The following CHMP4C variants were observed in gnomAD, a reference collection of about 807,000 sequenced individuals.
The protein encoded by CHMP4C is charged multivesicular body protein 4C.
A neutral mutation model predicts 29.0 loss-of-function variants in CHMP4C; 28 were observed. That is an observed-to-expected ratio of 0.97 (90% CI 0.72 to 1.32). The LOEUF is 1.32. CHMP4C is among the 40% of genes most tolerant of loss of function. The probability of loss-of-function intolerance (pLI) is 0.00; values close to 1 mark genes in which losing one functional copy is unlikely to be tolerated. For synonymous variants in CHMP4C, 106 were observed against 102.4 expected (o/e 1.04, Z -0.21); for missense variants, 291 against 281.0 (o/e 1.04, Z -0.25).
At chr8:81,744,810 C>T (rs1808802431) in intron 1 of CHMP4C, among the ~76,000 whole-genome samples, 2 of 152,240 alleles carry the variant, frequency 1.3e-5, no homozygotes, top group South Asian at 4.1e-4. Context: ...ATTTCTTTGT[C>T]CCTCCAGTGC....
In CHMP4C at chr8:81,739,418, TG is replaced by T. The variant is rs66536613; in HGVS notation, c.190+6611del. Among the ~76,000 whole-genome samples, 89 of 93,578 alleles carry T rather than the reference TG, an allele frequency of 9.5e-4. 1 individual carries two copies. The highest frequency in any genetic ancestry group is 3.5e-3 in the African/African-American group (86 of 24,502). 61.4% of individuals were successfully genotyped at this position (93,578 alleles called of 152,430 possible). ...CGGTATTCTAAGGCCTGGGGGATTG[TG>T]GGGGGGGGTGGAAAAAAAAAAAGTC... On this transcript the variant is annotated intron_variant, in intron 1 of 4. Transcript: ENST00000297265.
chr8:81,732,560 C>T lies in CHMP4C; in HGVS notation c.-67C>T. The stretch of plus-strand genomic sequence containing the variant: ...AGAGGACTGCCTTGCTCACCTGTCC[C>T]CTCGGCGCGGCCCCGGGGAGCTCCC... On this transcript the variant is annotated 5_prime_UTR_variant, in exon 1 of 5. Coordinates refer to ENST00000297265, the MANE Select transcript of CHMP4C (RefSeq NM_152284.4). The T allele has an allele frequency of 4.7e-6, 6 of 1,270,978 alleles. No individual in the cohort carries two copies. The highest frequency in any genetic ancestry group is 6.4e-6 in the Non-Finnish European group (6 of 930,918). 78.7% of individuals were successfully genotyped at this position (1,270,978 alleles called of 1,614,324 possible). A position where few individuals can be genotyped will look rare whatever the true frequency, so the allele number is the denominator to read the frequency against.
At chr8:81,739,419 G>GGA (rs1554592445) in intron 1 of CHMP4C, among the ~76,000 whole-genome samples, 1 of 15,494 alleles carries the variant, frequency 6.5e-5, no homozygotes, top group Non-Finnish European at 1.8e-4. Flanking sequence ...GGGGGATTGT[G>GGA]GGGGGGGGTG....
intron 1 of CHMP4C, among the ~76,000 whole-genome samples, chr8:81,738,182 A>G (rs981680692): frequency 5.9e-5 from 9 of 152,156 alleles, no homozygotes; most frequent in African/African-American, 2.2e-4. Flanking sequence ...CAGTAACTCC[A>G]AATATGTAAA....
intron 1 of CHMP4C, among the ~76,000 whole-genome samples, chr8:81,734,429 C>T (rs1052579290): frequency 6.6e-6 from 1 of 152,214 alleles, no homozygotes. Context: ...CGCCCAGGTT[C>T]AAGCGATTCT....
chr8:81,737,242 A>G (rs1345508247), intron 1 of CHMP4C, among the ~76,000 whole-genome samples: 1 of 152,116 alleles, frequency 6.6e-6, no homozygotes, highest in Non-Finnish European at 1.5e-5. Flanking sequence ...GCCCACCCCC[A>G]TTTATTCTGA....
At chr8:81,744,042 T>C (rs796109154) in intron 1 of CHMP4C, among the ~76,000 whole-genome samples, 4 of 152,336 alleles carry the variant, frequency 2.6e-5, no homozygotes, top group African/African-American at 9.6e-5. Flanking sequence ...TGCAATCTCA[T>C]TCCTTTTTAC....
chr8:81,754,101 T>A (rs979627801), intron 2 of CHMP4C, among the ~76,000 whole-genome samples: 13 of 152,108 alleles, frequency 8.5e-5, no homozygotes, highest in African/African-American at 3.1e-4. Context: ...GTGAAAAAGG[T>A]GGTGGCTGGG....
At chr8:81,752,189 AT>A (rs1444806218) in intron 1 of CHMP4C, among the ~76,000 whole-genome samples, 2 of 152,140 alleles carry the variant, frequency 1.3e-5, no homozygotes, top group Non-Finnish European at 2.9e-5. Context: ...CCTTAAAACC[AT>A]TTGAGTTCTT....
chr8:81,755,669 G>A lies in CHMP4C; in HGVS notation c.483+185G>A, dbSNP rs531066030. On this transcript the variant is annotated intron_variant, in intron 3 of 4. Coordinates refer to ENST00000297265, the MANE Select transcript of CHMP4C (RefSeq NM_152284.4). ...TTAAAGGAAAGATGAATACAGTTTGGCAAACAGTGGCCTGATTAAGTTTTC... is the reference window on the plus strand; with the variant it reads ...TTAAAGGAAAGATGAATACAGTTTGACAAACAGTGGCCTGATTAAGTTTTC... 2.6e-5 allele frequency among the ~76,000 whole-genome samples: 4 copies of A among 152,260 alleles called. No individual in the cohort carries two copies. In the South Asian group the frequency reaches 8.3e-4, roughly 32 times the overall value.
At chr8:81,756,444 T>C (rs1808973968) in intron 3 of CHMP4C, among the ~76,000 whole-genome samples, 1 of 152,186 alleles carries the variant, frequency 6.6e-6, no homozygotes, top group African/African-American at 2.4e-5. Context: ...AAGCATCTAG[T>C]GAGTACATTA....
chr8:81,739,009 A>G (rs1477271900), intron 1 of CHMP4C, among the ~76,000 whole-genome samples: 1 of 151,494 alleles, frequency 6.6e-6, no homozygotes, highest in East Asian at 1.9e-4. Context: ...ACCCATTCGT[A>G]CTTTTTCTCC....
At chr8:81,740,589 A>G (rs1808752401) in intron 1 of CHMP4C, among the ~76,000 whole-genome samples, 1 of 152,202 alleles carries the variant, frequency 6.6e-6, no homozygotes, top group African/African-American at 2.4e-5. Flanking sequence ...ATGAATTCAG[A>G]TGTTCATCTA....
chr8:81,759,261 T>TTCAC lies in CHMP4C; in HGVS notation c.*717_*718insTCAC, dbSNP rs1238311205. 11 of 152,636 alleles carry TTCAC rather than the reference T, an allele frequency of 7.2e-5. No individual in the cohort carries two copies. The highest frequency in any genetic ancestry group is 2.7e-4 in the African/African-American group (11 of 41,462). The allele number at this position is 152,636 out of a possible 1,614,324, so 9.5% of individuals were successfully genotyped here. ...ATTAAGCTTGGAATGGGGCAATGGA[T>TTCAC]GCATTTCCCAAAACGTGTGAAAGCA... On this transcript the variant is annotated 3_prime_UTR_variant, in exon 5 of 5. Transcript: ENST00000297265.
chr8:81,758,003 G>C lies in CHMP4C; in HGVS notation c.484-139G>C. 2 of 778,684 alleles carry C rather than the reference G, an allele frequency of 2.6e-6. 1 individual carries two copies. The highest frequency in any genetic ancestry group is 3.8e-5 in the South Asian group (2 of 52,488). 48.2% of individuals were successfully genotyped at this position (778,684 alleles called of 1,614,324 possible). ...AATCATTGCTCAGTGTTGCAAAAAA[G>C]ACTTAGTTTTAAAATAAATATTCCA... is the stretch of plus-strand genomic sequence containing the variant. On this transcript the variant is annotated intron_variant, in intron 3 of 4. Coordinates refer to ENST00000297265, the MANE Select transcript of CHMP4C (RefSeq NM_152284.4).
In CHMP4C at chr8:81,758,623, A is replaced by G. The variant is rs1359370957; in HGVS notation, c.*79A>G. 1.1e-5 allele frequency: 10 copies of G among 924,114 alleles called. No individual in the cohort carries two copies. Among genetic ancestry groups the G allele is most frequent in the Admixed American group, 2.0e-5 (1 of 50,320 alleles). 57.2% of individuals were successfully genotyped at this position (924,114 alleles called of 1,614,324 possible). On this transcript the variant is annotated 3_prime_UTR_variant, in exon 5 of 5. Coordinates refer to ENST00000297265, the MANE Select transcript of CHMP4C (RefSeq NM_152284.4). Reference sequence around the variant, plus strand: ...AATGTTTTTACCAAGTTCAGAAGTTAACAAAGACTCTGCTTTATAATTATA... The same window carrying G: ...AATGTTTTTACCAAGTTCAGAAGTTGACAAAGACTCTGCTTTATAATTATA...
chr8:81,734,809 A>C (rs1030051905), intron 1 of CHMP4C, among the ~76,000 whole-genome samples: 9 of 152,230 alleles, frequency 5.9e-5, no homozygotes, highest in Admixed American at 2.0e-4. Context: ...GAATAAAGAC[A>C]AAAAATTTAA....
In CHMP4C at chr8:81,758,537, C is replaced by T; in HGVS notation, c.695C>T (p.Ala232Val). 6.2e-7 allele frequency: 1 copy of T among 1,606,492 alleles called. No individual in the cohort carries two copies. The highest frequency in any genetic ancestry group is 2.2e-5 in the East Asian group (1 of 44,848). Reference sequence around the variant, plus strand: ...GATATCAAACAATTGGCAGCTTGGGCTACCTAAACTAAAACACATTTTTGA... The same window carrying T: ...GATATCAAACAATTGGCAGCTTGGGTTACCTAAACTAAAACACATTTTTGA... ...DDDIKQLAAW[A>V]T Residue 232 changes from alanine (A) to valine (V), a missense_variant, in exon 5 of 5, where the codon GCT becomes GTT. Coordinates refer to ENST00000297265, the MANE Select transcript of CHMP4C (RefSeq NM_152284.4).
At chr8:81,751,197 C>T (rs1808898834) in intron 1 of CHMP4C, among the ~76,000 whole-genome samples, 1 of 151,944 alleles carries the variant, frequency 6.6e-6, no homozygotes. Flanking sequence ...TAAAGTTTTA[C>T]TCCAGTAAAA....
Sources: gnomAD v4.1 joint callset for allele counts (sites outside exome capture counted in the v4.1 genomes callset) on GRCh38, gnomAD v4.1.1 for gene constraint, MANE v1.5 for transcripts, NCBI Gene and HGNC (gene_info 2026-07-23, HGNC 2026-07-21) for gene names.